The following TKTL1 variants were observed in gnomAD, a reference collection of about 807,000 sequenced individuals.
The protein encoded by TKTL1 is transketolase-like protein 1.
TKTL1 carries 1 observed loss-of-function variant against 39.3 expected under a neutral mutation model. The ratio of observed to expected loss-of-function variants is 0.03; its 90% CI spans 0.01 to 0.12. The LOEUF is 0.12. Ranked by LOEUF, TKTL1 falls within the 10% of genes least tolerant of loss-of-function variation. The pLI is 1.00. For missense variants in TKTL1, 575 were observed against 509.6 expected (o/e 1.13, Z -1.24); for synonymous variants, 262 against 193.8 (o/e 1.35, Z -2.92).
At chrX:154,323,440 C>T in intron 9 of TKTL1, 103 bp downstream of exon 9, 2 of 930,813 alleles carry the variant, frequency 2.1e-6, no homozygotes, top group East Asian at 3.2e-5. Context: ...AAGTGATATT[C>T]ATTATAGAAA....
At chrX:154,324,148 T>C (rs1161261415) in intron 9 of TKTL1, among the ~76,000 whole-genome samples, 2 of 110,810 alleles carry the variant, frequency 1.8e-5, no homozygotes, top group Non-Finnish European at 3.8e-5. Flanking sequence ...TTTTGTTTTT[T>C]GGGTTTTTTT....
At chrX:154,325,261 C>G in intron 9 of TKTL1, 78 bp from the exon 10 acceptor site, 1 of 972,648 alleles carries the variant, frequency 1.0e-6, no homozygotes. Context: ...CTTCACACCC[C>G]TCCTTCACTT....
intron 12 of TKTL1, among the ~76,000 whole-genome samples, chrX:154,328,724 T>C (rs782753718): frequency 9.1e-6 from 1 of 110,279 alleles, no homozygotes; most frequent in South Asian, 3.9e-4. Flanking sequence ...ACAAGGAGCA[T>C]TGAGTGTTCA....
chrX:154,324,960 GTCTT>G (rs1204731433), intron 9 of TKTL1, among the ~76,000 whole-genome samples: 2 of 112,139 alleles, frequency 1.8e-5, no homozygotes, highest in Non-Finnish European at 3.8e-5. Context: ...GATGTTTATG[GTCTT>G]TCTAAGGATG....
intron 7 of TKTL1, among the ~76,000 whole-genome samples, chrX:154,319,909 G>C (rs906725999): frequency 3.6e-5 from 4 of 111,930 alleles, no homozygotes; most frequent in African/African-American, 9.8e-5. Context: ...GAAGCCTTCT[G>C]GGGTATTTGA....
In TKTL1 at chrX:154,306,949, T is replaced by C. The variant is rs977294137; in HGVS notation, c.252+1528T>C. Among the ~76,000 whole-genome samples, 3 of 108,529 alleles carry C rather than the reference T, an allele frequency of 2.8e-5. No homozygotes were observed. The Admixed American group carries it at 2.9e-4, about 11-fold the overall frequency. The allele number at this position is 108,529 out of a possible 115,157, so 94.2% of individuals were successfully genotyped here. Reference sequence around the variant, plus strand: ...CTTCCAGCCCTCTTTACAATGAAAATTGAAAAAAAAATAGATATATAAACG... The same window carrying C: ...CTTCCAGCCCTCTTTACAATGAAAACTGAAAAAAAAATAGATATATAAACG... On this transcript the variant is annotated intron_variant, in intron 2 of 12. Transcript: ENST00000369915.
chrX:154,320,209 C>T (rs186443291), intron 7 of TKTL1: 1 of 113,310 alleles, frequency 8.8e-6, no homozygotes, highest in Non-Finnish European at 1.9e-5. Context: ...GGGATGGTGG[C>T]CTAGATGAAG....
rs781861101 is a variant in TKTL1, at chrX:154,312,429, G to A, written c.671-151G>A. ...GCCTTTGTCCAAGCTGTTCTCTCTG[G>A]CTGCAGCAGCGTCCCAGGCCCTCTG... On this transcript the variant is annotated intron_variant, in intron 5 of 12. Transcript: ENST00000369915. The A allele has an allele frequency of 7.6e-4, 386 of 504,851 alleles. 1 individual carries two copies. Among genetic ancestry groups the A allele is most frequent in the Non-Finnish European group, 1.2e-4 (40 of 321,967 alleles). 41.6% of individuals were successfully genotyped at this position (504,851 alleles called of 1,213,427 possible).
At chrX:154,306,214 C>T in intron 2 of TKTL1, among the ~76,000 whole-genome samples, 1 of 111,375 alleles carries the variant, frequency 9.0e-6, no homozygotes, top group Non-Finnish European at 1.9e-5. Flanking sequence ...GAGGCTGAGG[C>T]ACAAGAATTG....
intron 1 of TKTL1, among the ~76,000 whole-genome samples, chrX:154,303,651 A>C (rs1390370053): frequency 5.8e-5 from 6 of 103,825 alleles, no homozygotes; most frequent in Admixed American, 2.1e-4. Flanking sequence ...CCCCCTCATC[A>C]TGCCAGGGGG....
At chrX:154,306,726 T>A (rs2067317789) in intron 2 of TKTL1, among the ~76,000 whole-genome samples, 1 of 110,085 alleles carries the variant, frequency 9.1e-6, no homozygotes, top group South Asian at 3.9e-4. Flanking sequence ...ACCCCTGACC[T>A]CCTGGCCTCA....
intron 1 of TKTL1, among the ~76,000 whole-genome samples, chrX:154,301,751 C>A (rs1361012026): frequency 9.9e-6 from 1 of 101,106 alleles, no homozygotes; most frequent in Non-Finnish European, 2.0e-5. Context: ...TCCCCATTTT[C>A]TTTCTTTTTT....
At chrX:154,319,506 C>T (rs190137405) in intron 7 of TKTL1, among the ~76,000 whole-genome samples, 101 of 111,648 alleles carry the variant, frequency 9.0e-4, no homozygotes, top group Non-Finnish European at 1.7e-3. Flanking sequence ...TTTGGGAGGC[C>T]GGCCGAGGTG....
chrX:154,303,135 C>T (rs1489666087), intron 1 of TKTL1, among the ~76,000 whole-genome samples: 3 of 110,242 alleles, frequency 2.7e-5, no homozygotes, highest in African/African-American at 9.9e-5. Context: ...ACCTTGCCTT[C>T]TACTTATTAG....
intron 7 of TKTL1, among the ~76,000 whole-genome samples, chrX:154,318,133 A>G (rs1557169756): frequency 9.0e-6 from 1 of 110,986 alleles, no homozygotes; most frequent in East Asian, 2.8e-4. Flanking sequence ...CAGTGGCACA[A>G]TCATGGCTCC....
Position 154,320,860 on chromosome X carries a change from G to T in TKTL1, c.1133G>T (p.Gly378Val), listed in dbSNP as rs782327141. 1.2e-5 allele frequency: 15 copies of T among 1,209,503 alleles called. No individual in the cohort carries two copies. The highest frequency in any genetic ancestry group is 1.7e-5 in the Non-Finnish European group (15 of 894,888). ...TRAFDHIRIG[G>V]LAESNINIIG... is the part of the protein sequence containing the mutation. ...GCATTTGATCACATCCGGATAGGAG[G>T]CCTCGCTGAGAGCAACATCAACATT... Residue 378 changes from glycine to valine, a missense_variant, in exon 8 of 13, where the codon GGC becomes GTC. Transcript: ENST00000369915.
Position 154,295,846 on chromosome X carries a change from A to G in TKTL1, c.-14A>G, listed in dbSNP as rs782430758. On this transcript the variant is annotated 5_prime_UTR_variant, in exon 1 of 13. Transcript: ENST00000369915. The stretch of plus-strand genomic sequence containing the variant: ...CGTAGGAGTGGGTCTTCAGACTCCA[A>G]AGGGGTTGGACTAATGGCGGATGCT... 6 of 1,206,559 alleles carry G rather than the reference A, an allele frequency of 5.0e-6. No homozygotes were observed. Among genetic ancestry groups the G allele is most frequent in the Middle Eastern group, 2.3e-4 (1 of 4,341 alleles).
intron 1 of TKTL1, 132 bp downstream of exon 1, chrX:154,296,125 C>T (rs2067225458): frequency 2.2e-6 from 2 of 911,799 alleles, no homozygotes; most frequent in South Asian, 4.9e-5. Flanking sequence ...AATGCCCTGT[C>T]TTGGGCTGTT....
At position 154,330,313 on chromosome X, in the gene TKTL1, A is replaced by G. The variant is rs1484964808; in HGVS notation, c.*625A>G. The G allele has an allele frequency of 9.0e-6, 1 of 111,456 alleles. No individual in the cohort carries two copies. Among genetic ancestry groups the G allele is most frequent in the Non-Finnish European group, 1.9e-5 (1 of 53,198 alleles). 9.2% of individuals were successfully genotyped at this position (111,456 alleles called of 1,213,427 possible). A position where few individuals can be genotyped will look rare whatever the true frequency, so the allele number is the denominator to read the frequency against. On this transcript the variant is annotated 3_prime_UTR_variant, in exon 13 of 13. Transcript: ENST00000369915. ...CTTGTGATGAGAGCCTCCACACTGT[A>G]CTGTTCAAGTCAATGTTAATAAAGC...
Sources: allele counts gnomAD v4.1 joint callset (sites outside exome capture counted in the v4.1 genomes callset), GRCh38; gene constraint gnomAD v4.1.1; transcripts MANE v1.5; gene names NCBI Gene and HGNC (gene_info 2026-07-23, HGNC 2026-07-21).